C7: variants seen among roughly 807,000 people sequenced by gnomAD.
The protein encoded by C7 is complement component C7.
In C7, 83 loss-of-function variants were observed where a neutral mutation model predicts 104.8. The observed-to-expected ratio is 0.79, with a 90% CI of 0.66 to 0.95. C7 has a LOEUF of 0.95. Among genes scored for constraint, C7 ranks in the 40% least tolerant of loss-of-function variants. C7 has a pLI of 0.00. For synonymous variants in C7, 415 were observed against 360.6 expected (o/e 1.15, Z -1.71); for missense variants, 1,070 against 1,011.2 (o/e 1.06, Z -0.79).
chr5:40,944,510 C>T (rs1219201060), intron 6 of C7, among the ~76,000 whole-genome samples: 3 of 152,266 alleles, frequency 2.0e-5, no homozygotes, highest in Middle Eastern at 3.4e-3. Flanking sequence ...CCAACATTGA[C>T]ATTACTTGCC....
rs1298655867 is a variant in C7 at position 40,934,402 on chromosome 5, C to T, written c.216C>T (p.Ser72=). 5.6e-6 allele frequency: 9 copies of T among 1,613,586 alleles called. No homozygotes were observed. The East Asian group carries it at 6.7e-5, about 12-fold the overall frequency. Residue 72 remains serine, a synonymous_variant, in exon 4 of 18, where the codon TCC becomes TCT. Transcript: ENST00000313164. The part of the protein sequence containing the change: ...PCVGNAFETQ[S]CEPTRGCPTE... ...TTGGAAATGCTTTTGAAACACAGTC[C>T]TGTGAACCTACAAGAGGATGTCCAA... is the stretch of plus-strand genomic sequence containing the variant.
Position 40,979,851 on chromosome 5 carries a change from T to G in C7, c.2292T>G (p.Thr764=), listed in dbSNP as rs1207240567. ...NYTLTGRDSC[T]LPASAEKACG... ...CCCTTACTGGTAGGGACAGCTGTAC[T>G]CTGCCTGCCTCAGCTGAGAAAGCTT... The change falls in exon 17 of 18, where the codon ACT becomes ACG. Residue 764 remains threonine (T), a synonymous_variant. Coordinates refer to ENST00000313164, the MANE Select transcript of C7 (RefSeq NM_000587.4). 2 of 1,610,334 alleles carry G rather than the reference T, an allele frequency of 1.2e-6. No individual in the cohort carries two copies. The highest frequency in any genetic ancestry group is 3.4e-5 in the Admixed American group (2 of 59,626).
At chr5:40,909,817 C>A (rs1029030963) in intron 1 of C7, among the ~76,000 whole-genome samples, 1 of 152,064 alleles carries the variant, frequency 6.6e-6, no homozygotes, top group Non-Finnish European at 1.5e-5. Flanking sequence ...AACAGTTCAG[C>A]CAAAGTGAAT....
chr5:40,955,375 T>G lies in C7; in HGVS notation c.1094-12T>G, dbSNP rs553417924. 34 of 1,568,982 alleles carry G rather than the reference T, an allele frequency of 2.2e-5. No individual in the cohort carries two copies. The East Asian group carries it at 7.8e-4, about 36-fold the overall frequency. On this transcript the variant is annotated splice_polypyrimidine_tract_variant and intron_variant, in intron 9 of 17. Transcript: ENST00000313164. ...TAGACTTTTCACTTTTCATTTGCTT[T>G]CTTCTGTATAGGAACCCAGAACAAT...
At chr5:40,979,258 G>A (rs750735694) in intron 16 of C7, among the ~76,000 whole-genome samples, 5 of 152,246 alleles carry the variant, frequency 3.3e-5, no homozygotes, top group Middle Eastern at 3.4e-3. Context: ...TGATGATTTA[G>A]GGTCATCCAT....
At chr5:40,963,768 G>A (rs191330579) in intron 13 of C7, among the ~76,000 whole-genome samples, 13 of 152,236 alleles carry the variant, frequency 8.5e-5, no homozygotes, top group African/African-American at 2.9e-4. Context: ...GCTTCGCCAT[G>A]AAAGCTCGCT....
chr5:40,942,577 G>A (rs961844721), intron 6 of C7, among the ~76,000 whole-genome samples: 4 of 152,046 alleles, frequency 2.6e-5, no homozygotes, highest in African/African-American at 4.8e-5. Context: ...CTGTAGAATC[G>A]AGGAATTGAA....
intron 12 of C7, among the ~76,000 whole-genome samples, chr5:40,960,821 A>G (rs1740404093): frequency 6.6e-6 from 1 of 152,158 alleles, no homozygotes; most frequent in East Asian, 1.9e-4. Context: ...TGGAGATAAT[A>G]TTAGTGTTAT....
At chr5:40,911,244 G>A (rs1001576740) in intron 1 of C7, 6 of 152,174 alleles carry the variant, frequency 3.9e-5, no homozygotes, top group African/African-American at 1.4e-4. Flanking sequence ...GACAAAGAAG[G>A]GACACTTGTG....
intron 9 of C7, among the ~76,000 whole-genome samples, chr5:40,953,147 A>G (rs1009146098): frequency 4.6e-5 from 7 of 152,178 alleles, no homozygotes; most frequent in African/African-American, 1.7e-4. Context: ...CTAACAATGA[A>G]GACGAGGAAG....
intron 1 of C7, among the ~76,000 whole-genome samples, chr5:40,914,839 C>T (rs1386853461): frequency 6.6e-6 from 1 of 152,126 alleles, no homozygotes; most frequent in Non-Finnish European, 1.5e-5. Context: ...GTACAGACCT[C>T]CTTTAGCAGA....
chr5:40,921,328 A>C (rs1367518989), intron 1 of C7, among the ~76,000 whole-genome samples: 2 of 152,184 alleles, frequency 1.3e-5, no homozygotes, highest in African/African-American at 2.4e-5. Flanking sequence ...AAAAGGAAAG[A>C]TATCCCATGC....
intron 1 of C7, among the ~76,000 whole-genome samples, chr5:40,912,996 C>A (rs1739241582): frequency 6.6e-6 from 1 of 152,110 alleles, no homozygotes; most frequent in South Asian, 2.1e-4. Flanking sequence ...TTATTCCATA[C>A]TTTTTGTCCA....
intron 1 of C7, among the ~76,000 whole-genome samples, chr5:40,911,641 T>C (rs1172779610): frequency 6.6e-6 from 1 of 152,196 alleles, no homozygotes; most frequent in Admixed American, 6.5e-5. Context: ...CTAATGCTCA[T>C]TCATTGATGA....
rs1049098926 is a variant in C7, at chr5:40,938,531, A to G, written c.567+841A>G. Among the ~76,000 whole-genome samples the G allele has an allele frequency of 5.3e-5, 8 of 152,186 alleles. 1 individual carries two copies. The highest frequency in any genetic ancestry group is 4.1e-4 in the South Asian group (2 of 4,832). ...ATGAACTAGAGCTTCTCCAGGGCAT[A>G]CACCTGGAACTCAAATTGCTACCTC... On this transcript the variant is annotated intron_variant, in intron 6 of 17. Transcript: ENST00000313164.
chr5:40,940,916 C>T (rs1376438632), intron 6 of C7, among the ~76,000 whole-genome samples: 1 of 152,042 alleles, frequency 6.6e-6, no homozygotes, highest in East Asian at 1.9e-4. Flanking sequence ...AGACACTATA[C>T]TTACAAGCAT....
chr5:40,909,674 G>A, intron 1 of C7, 58 bp downstream of exon 1: 19 of 1,303,280 alleles, frequency 1.5e-5, no homozygotes, highest in Non-Finnish European at 1.9e-5. Context: ...ATGAACGGGG[G>A]TAATATAAAT....
intron 1 of C7, among the ~76,000 whole-genome samples, chr5:40,923,372 G>A (rs1005248687): frequency 6.6e-6 from 1 of 152,190 alleles, no homozygotes; most frequent in African/African-American, 2.4e-5. Flanking sequence ...TCAGCTTCTG[G>A]TGACGCCTTC....
At position 40,936,330 on chromosome 5, in the gene C7, G is replaced by C. The variant is rs77065783; in HGVS notation, c.281-8G>C. 464 of 1,612,748 alleles carry C rather than the reference G, an allele frequency of 2.9e-4. No individual in the cohort carries two copies. The highest frequency in any genetic ancestry group is 3.8e-4 in the Non-Finnish European group (452 of 1,179,204). ...TTACATTTGCACGTGGATTTCTCTG[G>C]TGTTCAGGTCAGTGCATCAGCAAAT... On this transcript the variant is annotated splice_region_variant and splice_polypyrimidine_tract_variant and intron_variant, in intron 4 of 17. Coordinates refer to ENST00000313164, the MANE Select transcript of C7 (RefSeq NM_000587.4).
Sources: allele counts gnomAD v4.1 joint callset (sites outside exome capture counted in the v4.1 genomes callset), GRCh38; gene constraint gnomAD v4.1.1; transcripts MANE v1.5; gene names NCBI Gene and HGNC (gene_info 2026-07-23, HGNC 2026-07-21).